TMEM232: variants seen among roughly 807,000 people sequenced by gnomAD.
The protein encoded by TMEM232 is transmembrane protein 232.
A neutral mutation model predicts 78.8 loss-of-function variants in TMEM232; 80 were observed. The ratio of observed to expected loss-of-function variants is 1.01; its 90% CI spans 0.85 to 1.22. TMEM232 has a LOEUF of 1.22. Among genes scored for constraint, TMEM232 ranks in the 50% most tolerant of loss-of-function variants. The pLI, the probability that TMEM232 is intolerant of heterozygous loss-of-function variation, is 0.00. For missense variants in TMEM232, 881 were observed against 742.2 expected, an observed-to-expected ratio of 1.19 and a Z score of -2.17; for synonymous variants, 297 against 254.3, an observed-to-expected ratio of 1.17 and a Z score of -1.60.
At chr5:110,410,696 A>G (rs1400982724) in intron 2 of TMEM232, among the ~76,000 whole-genome samples, 1 of 152,212 alleles carries the variant, frequency 6.6e-6, no homozygotes, top group East Asian at 1.9e-4. Flanking sequence ...GTATTGGGAC[A>G]GGATTTTCAG....
At chr5:110,591,701 T>TA in intron 10 of TMEM232, among the ~76,000 whole-genome samples, 1 of 152,168 alleles carries the variant, frequency 6.6e-6, no homozygotes, top group Non-Finnish European at 1.5e-5. Context: ...TTAAATGCTT[T>TA]GATCTAGGAT....
intron 12 of TMEM232, among the ~76,000 whole-genome samples, chr5:110,492,702 G>C (rs1765243885): frequency 6.6e-6 from 1 of 151,912 alleles, no homozygotes; most frequent in South Asian, 2.1e-4. Flanking sequence ...TTGAAAGGAA[G>C]AATAACACAT....
At chr5:110,551,250 G>T (rs1774421136) in intron 11 of TMEM232, among the ~76,000 whole-genome samples, 1 of 152,134 alleles carries the variant, frequency 6.6e-6, no homozygotes, top group African/African-American at 2.4e-5. Flanking sequence ...TTGAGACAGT[G>T]TCTCACTCTG....
intron 12 of TMEM232, among the ~76,000 whole-genome samples, chr5:110,482,195 G>C (rs935692799): frequency 1.3e-5 from 2 of 151,976 alleles, no homozygotes; most frequent in African/African-American, 4.8e-5. Context: ...TCCAATTAGA[G>C]ACATCAGTTC....
At chr5:110,716,750 A>C (rs879771516) in intron 1 of TMEM232, among the ~76,000 whole-genome samples, 3 of 151,938 alleles carry the variant, frequency 2.0e-5, no homozygotes, top group Non-Finnish European at 4.4e-5. Context: ...ACAGATTGTC[A>C]CTCTTTTTGC....
intron 1 of TMEM232, among the ~76,000 whole-genome samples, chr5:110,703,237 A>AT (rs1795602367): frequency 6.6e-6 from 1 of 152,064 alleles, no homozygotes; most frequent in South Asian, 2.1e-4. Flanking sequence ...TAGCTAATCA[A>AT]GGGGGAGTGC....
At chr5:110,569,715 C>G (rs1048022147) in intron 10 of TMEM232, among the ~76,000 whole-genome samples, 2 of 151,754 alleles carry the variant, frequency 1.3e-5, no homozygotes, top group Non-Finnish European at 2.9e-5. Flanking sequence ...TAATAACAAT[C>G]ATTATTATTA....
At chr5:110,424,639 C>T (rs1320371118) in intron 13 of TMEM232, among the ~76,000 whole-genome samples, 184 bp downstream of exon 13, 2 of 151,398 alleles carry the variant, frequency 1.3e-5, no homozygotes, top group Non-Finnish European at 2.9e-5. Flanking sequence ...AAATTTTCTG[C>T]AACCCAATGA....
intron 1 of TMEM232, among the ~76,000 whole-genome samples, chr5:110,688,933 A>C (rs916374770): frequency 9.2e-5 from 14 of 152,218 alleles, no homozygotes; most frequent in Non-Finnish European, 4.4e-5. Flanking sequence ...CCAGCTCTCC[A>C]GACACAAATG....
intron 10 of TMEM232, among the ~76,000 whole-genome samples, chr5:110,594,749 G>A (rs1779946478): frequency 1.3e-5 from 2 of 152,150 alleles, no homozygotes; most frequent in Admixed American, 1.3e-4. Context: ...CTCCTCACTG[G>A]GCAGGTAATC....
chr5:110,596,496 C>G (rs183300958), intron 10 of TMEM232, among the ~76,000 whole-genome samples: 206 of 152,298 alleles, frequency 1.4e-3, no homozygotes, highest in Middle Eastern at 3.4e-3. Context: ...AAGAGGGAAT[C>G]CTCCCTAACT....
At chr5:110,475,393 T>C (rs1296877439) in intron 12 of TMEM232, among the ~76,000 whole-genome samples, 1 of 151,308 alleles carries the variant, frequency 6.6e-6, no homozygotes, top group East Asian at 1.9e-4. Context: ...CTTTTAAATA[T>C]GAATGATAGC....
chr5:110,732,606 G>C (rs1279850905), intron 2 of TMEM232, among the ~76,000 whole-genome samples: 2 of 152,170 alleles, frequency 1.3e-5, no homozygotes, highest in Non-Finnish European at 2.9e-5. Flanking sequence ...ACTATCAAGA[G>C]AATAGCATGG....
chr5:110,423,970 T>G (rs1756965484), intron 13 of TMEM232, among the ~76,000 whole-genome samples: 2 of 152,278 alleles, frequency 1.3e-5, no homozygotes, highest in Non-Finnish European at 2.9e-5. Flanking sequence ...ACAAAAACTT[T>G]ATTAGTGAAT....
Position 110,598,821 on chromosome 5 carries a change from T to G in TMEM232, c.1276+6288A>C, listed in dbSNP as rs1271255731. Among the ~76,000 whole-genome samples, 20 of 123,354 alleles carry G rather than the reference T, an allele frequency of 1.6e-4. 1 individual carries two copies. In the Admixed American group the frequency reaches 2.0e-3, roughly 12 times the overall value. 80.9% of individuals were successfully genotyped at this position (123,354 alleles called of 152,430 possible). ...ATGGGAATTGAACAATAAGAACACA[T>G]GGACACAGGAAGAGGAACATCACAT... On this transcript the variant is annotated intron_variant, in intron 10 of 13. Coordinates refer to ENST00000455884, the MANE Select transcript of TMEM232 (RefSeq NM_001039763.4).
chr5:110,470,975 G>A (rs1580815839), intron 12 of TMEM232, among the ~76,000 whole-genome samples: 1 of 152,062 alleles, frequency 6.6e-6, no homozygotes, highest in East Asian at 1.9e-4. Flanking sequence ...AGATAATACA[G>A]ATAGACAATT....
chr5:110,665,595 T>G (rs896225021), intron 2 of TMEM232, among the ~76,000 whole-genome samples: 7 of 151,948 alleles, frequency 4.6e-5, no homozygotes, highest in Non-Finnish European at 1.0e-4. Context: ...ACTCACTCAC[T>G]ATCATGAGAA....
At chr5:110,610,225 A>G (rs143457294) in intron 8 of TMEM232, among the ~76,000 whole-genome samples, 2 of 140,066 alleles carry the variant, frequency 1.4e-5, no homozygotes, top group Non-Finnish European at 3.1e-5. Flanking sequence ...GAAGGGAGGG[A>G]GGGAAAAAGA....
At chr5:110,393,495 T>A (rs1458577082) in intron 3 of TMEM232, among the ~76,000 whole-genome samples, 1 of 152,192 alleles carries the variant, frequency 6.6e-6, no homozygotes, top group Non-Finnish European at 1.5e-5. Context: ...TCCTTTTTCA[T>A]CTCTTTTATT....
Sources: allele counts gnomAD v4.1 joint callset (sites outside exome capture counted in the v4.1 genomes callset), GRCh38; gene constraint gnomAD v4.1.1; transcripts MANE v1.5; gene names NCBI Gene and HGNC (gene_info 2026-07-23, HGNC 2026-07-21).